Variants in PHACTR3 observed in about 807,000 individuals in gnomAD.
PHACTR3 encodes the protein phosphatase and actin regulator 3, also known as protein phosphatase 1, regulatory subunit 123.
Under a neutral mutation model 66.8 loss-of-function variants are expected in PHACTR3, and 16 were observed. The ratio of observed to expected loss-of-function variants is 0.24; its 90% CI spans 0.16 to 0.36. The LOEUF (loss-of-function observed/expected upper bound fraction) is 0.36, where lower values mean the gene tolerates loss of function less well. PHACTR3 is among the 10% of genes least tolerant of loss of function. The probability of loss-of-function intolerance (pLI) is 1.00; values close to 1 mark genes in which losing one functional copy is unlikely to be tolerated. For missense variants in PHACTR3, 647 were observed against 719.9 expected (o/e 0.90, Z 1.16); for synonymous variants, 323 against 292.1 (o/e 1.11, Z -1.08).
intron 1 of PHACTR3, among the ~76,000 whole-genome samples, chr20:59,675,194 C>T (rs941249728): frequency 1.4e-5 from 2 of 144,236 alleles, no homozygotes; most frequent in Non-Finnish European, 3.0e-5. Context: ...TACCCCTCTC[C>T]CTCCCTGTCC....
chr20:59,680,082 C>T (rs2036588408), intron 1 of PHACTR3, among the ~76,000 whole-genome samples: 2 of 152,088 alleles, frequency 1.3e-5, no homozygotes, highest in Admixed American at 6.6e-5. Flanking sequence ...TCTGCTCTCC[C>T]TCCCTCCTTC....
intron 4 of PHACTR3, among the ~76,000 whole-genome samples, chr20:59,760,597 T>G (rs961659504): frequency 6.6e-6 from 1 of 152,212 alleles, no homozygotes; most frequent in Non-Finnish European, 1.5e-5. Context: ...CCTTCCGCCA[T>G]GATTGTGAGG....
chr20:59,683,483 G>T (rs559068503), intron 1 of PHACTR3, among the ~76,000 whole-genome samples: 2 of 138,424 alleles, frequency 1.4e-5, no homozygotes, highest in East Asian at 4.1e-4. Flanking sequence ...TTTAAACCAG[G>T]TCTTTTTTTT....
chr20:59,600,803 G>C (rs111310569), upstream of PHACTR3, among the ~76,000 whole-genome samples: 10 of 152,314 alleles, frequency 6.6e-5, no homozygotes, highest in African/African-American at 2.2e-4. Flanking sequence ...TCAAGGGGCA[G>C]AAGGGGGGTC....
At chr20:59,790,855 A>G (rs943484370) in intron 7 of PHACTR3, among the ~76,000 whole-genome samples, 2 of 152,216 alleles carry the variant, frequency 1.3e-5, no homozygotes, top group Non-Finnish European at 2.9e-5. Flanking sequence ...TTTCCTTAAT[A>G]CTATTAGGCT....
intron 1 of PHACTR3, among the ~76,000 whole-genome samples, chr20:59,719,316 C>T (rs2038206310): frequency 6.6e-6 from 1 of 152,104 alleles, no homozygotes; most frequent in Admixed American, 6.5e-5. Context: ...AGGCGCCTGC[C>T]ACCACACCCG....
chr20:59,697,385 G>A (rs2037337519), intron 1 of PHACTR3, among the ~76,000 whole-genome samples: 1 of 152,166 alleles, frequency 6.6e-6, no homozygotes, highest in Non-Finnish European at 1.5e-5. Context: ...AAAAAGAAAA[G>A]GTATTTTTCA....
chr20:59,760,538 C>G (rs1263757482), intron 4 of PHACTR3, among the ~76,000 whole-genome samples: 1 of 152,126 alleles, frequency 6.6e-6, no homozygotes, highest in Non-Finnish European at 1.5e-5. Context: ...ACCCCTTTTG[C>G]TTCGTTCTCA....
At chr20:59,689,719 A>G (rs1389434765) in intron 1 of PHACTR3, among the ~76,000 whole-genome samples, 3 of 152,100 alleles carry the variant, frequency 2.0e-5, no homozygotes, top group Non-Finnish European at 2.9e-5. Flanking sequence ...GTTCCAGGGG[A>G]GGGCACCAAC....
intron 1 of PHACTR3, among the ~76,000 whole-genome samples, chr20:59,675,189 CT>C (rs2036414651): frequency 7.0e-6 from 1 of 142,530 alleles, no homozygotes; most frequent in Non-Finnish European, 1.5e-5. Context: ...CCACTTACCC[CT>C]CTCCCTCCCT....
intron 1 of PHACTR3, among the ~76,000 whole-genome samples, chr20:59,585,768 C>G (rs906487065): frequency 6.6e-6 from 1 of 152,316 alleles, no homozygotes; most frequent in Middle Eastern, 3.4e-3. Context: ...GAGGCCCTTG[C>G]GGCTCACAGG....
chr20:59,827,597 G>A (rs568931184), intron 8 of PHACTR3, among the ~76,000 whole-genome samples: 1 of 152,266 alleles, frequency 6.6e-6, no homozygotes, highest in East Asian at 1.9e-4. Flanking sequence ...AGAGGAGACT[G>A]GCTGCACCCA....
chr20:59,818,097 T>C (rs1220260462), intron 8 of PHACTR3, among the ~76,000 whole-genome samples: 2 of 152,176 alleles, frequency 1.3e-5, no homozygotes, highest in South Asian at 4.1e-4. Flanking sequence ...AGGGGGCCCT[T>C]GTGTGCGGCC....
At chr20:59,610,820 CAG>C (rs2033823888) in intron 1 of PHACTR3, among the ~76,000 whole-genome samples, 1 of 152,218 alleles carries the variant, frequency 6.6e-6, no homozygotes. Context: ...TGAATGCTGA[CAG>C]AATGGATGTG....
intron 1 of PHACTR3, among the ~76,000 whole-genome samples, chr20:59,720,266 G>A (rs1018461434): frequency 6.6e-6 from 1 of 152,180 alleles, no homozygotes; most frequent in African/African-American, 2.4e-5. Context: ...TGGTCTGCTG[G>A]GCTCTGCAGG....
rs922520262 is a variant in PHACTR3 at position 59,738,648 on chromosome 20, T to C, written c.119-4459T>C. ...TCTGGAGCCCGTGTGGTGTCTGTCG[T>C]GGGGACCCACCTAACTCCTTGATGC... is the stretch of plus-strand genomic sequence containing the variant. On this transcript the variant is annotated intron_variant, in intron 1 of 12. Transcript: ENST00000371015. The surrounding 1 kb of genome is among the most constrained non-coding windows in gnomAD (Gnocchi z 4.4). Among the ~76,000 whole-genome samples, 2 of 152,112 alleles carry C rather than the reference T, an allele frequency of 1.3e-5. No individual in the cohort carries two copies. Among genetic ancestry groups the C allele is most frequent in the African/African-American group, 4.8e-5 (2 of 41,434 alleles).
intron 1 of PHACTR3, among the ~76,000 whole-genome samples, chr20:59,683,114 A>T (rs1243888538): frequency 1.3e-5 from 2 of 152,040 alleles, no homozygotes; most frequent in South Asian, 4.2e-4. Context: ...TGGCTGAGGG[A>T]GCAGATGGGG....
At chr20:59,730,978 T>G (rs1049141029) in intron 1 of PHACTR3, among the ~76,000 whole-genome samples, 1 of 152,168 alleles carries the variant, frequency 6.6e-6, no homozygotes, top group Admixed American at 6.5e-5. Context: ...CACAAATCTG[T>G]TGGCTTAAAG....
At chr20:59,593,218 C>G (rs1261921496) in intron 1 of PHACTR3, among the ~76,000 whole-genome samples, 2 of 152,170 alleles carry the variant, frequency 1.3e-5, no homozygotes, top group African/African-American at 4.8e-5. Context: ...GCAGTGGTCT[C>G]TCATTGTGGT....
Sources: gnomAD v4.1 joint callset for allele counts (sites outside exome capture counted in the v4.1 genomes callset) on GRCh38, gnomAD v4.1.1 for gene constraint, Gnocchi (gnomAD v3.1) non-coding constraint, MANE v1.5 for transcripts, NCBI Gene and HGNC (gene_info 2026-07-23, HGNC 2026-07-21) for gene names.